Variants in SNAP47 observed in about 807,000 individuals in gnomAD.
SNAP47 encodes the protein synaptosomal-associated protein 47.
SNAP47 carries 20 observed loss-of-function variants against 31.4 expected under a neutral mutation model. That is an observed-to-expected ratio of 0.64 (90% CI 0.45 to 0.93). SNAP47 has a LOEUF of 0.93. SNAP47 is among the 40% of genes least tolerant of loss of function. The pLI is 0.00. For synonymous variants in SNAP47, 194 were observed against 213.4 expected (o/e 0.91, Z 0.79); for missense variants, 492 against 528.5 (o/e 0.93, Z 0.68).
chr1:227,732,284 G>A (rs145226245), upstream of SNAP47: 17 of 1,338,706 alleles, frequency 1.3e-5, no homozygotes, highest in Non-Finnish European at 1.5e-5. Flanking sequence ...CACAAGCCTC[G>A]ACAGGGGTGG....
upstream of SNAP47, chr1:227,732,525 C>A: frequency 6.2e-7 from 1 of 1,613,406 alleles, no homozygotes; most frequent in Non-Finnish European, 8.5e-7. Context: ...CTCTGTGATG[C>A]GCCCAACATC....
intron 4 of SNAP47, among the ~76,000 whole-genome samples, chr1:227,768,020 T>TA (rs1432433301): frequency 6.6e-6 from 1 of 152,270 alleles, no homozygotes; most frequent in African/African-American, 2.4e-5. Context: ...TCAGTCATCA[T>TA]ATCACTTCAT....
chr1:227,747,579 C>T (rs2236361), intron 1 of SNAP47, 113 bp from the exon 2 acceptor site: 651,187 of 1,083,568 alleles, frequency 0.6, 200,045 homozygotes, highest in African/African-American at 0.9. Flanking sequence ...GAGTCAGCCA[C>T]GTGCTGCAGC....
At chr1:227,748,257 C>A in intron 2 of SNAP47, 24 bp downstream of exon 2, 1 of 1,532,214 alleles carries the variant, frequency 6.5e-7, no homozygotes, top group South Asian at 1.3e-5. Context: ...GTACACTTTG[C>A]AAGGCACACA....
In SNAP47 at chr1:227,735,497, C is replaced by T. The variant is rs773629066; in HGVS notation, c.-48C>T. 5 of 1,408,102 alleles carry T rather than the reference C, an allele frequency of 3.6e-6. No homozygotes were observed. The highest frequency in any genetic ancestry group is 1.5e-5 in the African/African-American group (1 of 66,506). 87.2% of individuals were successfully genotyped at this position (1,408,102 alleles called of 1,614,324 possible). On this transcript the variant is annotated splice_region_variant and 5_prime_UTR_variant, in exon 1 of 5. Transcript: ENST00000617596. ...GCTCTGGGACTCGTCTGGCGTCCCT[C>T]AGGTGAGCGACGGTGTTGGTCTGTT... is the stretch of plus-strand genomic sequence containing the variant.
In SNAP47 at chr1:227,780,512, T is replaced by C; in HGVS notation, c.1114-15T>C. ...GAGATGGCAGCCTCTGCTGTGATCT[T>C]GTGCTTCTCCCCAGATCCTGAGGAG... On this transcript the variant is annotated splice_polypyrimidine_tract_variant and intron_variant, in intron 4 of 4. Coordinates refer to ENST00000617596, the MANE Select transcript of SNAP47 (RefSeq NM_053052.4). The C allele has an allele frequency of 1.2e-6, 2 of 1,613,654 alleles. No homozygotes were observed. Among genetic ancestry groups the C allele is most frequent in the Non-Finnish European group, 1.7e-6 (2 of 1,180,000 alleles).
chr1:227,734,615 G>A, upstream of SNAP47: 2 of 1,608,690 alleles, frequency 1.2e-6, no homozygotes, highest in Non-Finnish European at 1.7e-6. Flanking sequence ...CAGCGCTAGG[G>A]AAGGCAGCGC....
intron 1 of SNAP47, among the ~76,000 whole-genome samples, chr1:227,739,705 A>G (rs900934024): frequency 1.3e-5 from 2 of 152,224 alleles, no homozygotes; most frequent in South Asian, 2.1e-4. Context: ...AAAGAGACCC[A>G]TTGTACAGAT....
At chr1:227,750,295 A>G (rs1662264069) in intron 2 of SNAP47, among the ~76,000 whole-genome samples, 1 of 152,220 alleles carries the variant, frequency 6.6e-6, no homozygotes, top group African/African-American at 2.4e-5. Flanking sequence ...GCCGAAGGCC[A>G]TGACTCTGTT....
intron 3 of SNAP47, among the ~76,000 whole-genome samples, chr1:227,761,298 CATA>C (rs541081031): frequency 2.6e-4 from 40 of 152,264 alleles, no homozygotes; most frequent in Admixed American, 1.6e-3. Flanking sequence ...AAGAAATACA[CATA>C]ATAATAGATT....
chr1:227,734,729 G>C (rs1660950917), upstream of SNAP47: 1 of 1,614,076 alleles, frequency 6.2e-7, no homozygotes, highest in Non-Finnish European at 8.5e-7. Flanking sequence ...TTTCCAGTAG[G>C]TGATGTAGTC....
chr1:227,736,763 CCTT>C (rs1371010562), intron 1 of SNAP47, among the ~76,000 whole-genome samples: 3 of 144,008 alleles, frequency 2.1e-5, no homozygotes, highest in South Asian at 2.3e-4. Flanking sequence ...CTCAAGCAAT[CCTT>C]CTGCCTTGGC....
intron 1 of SNAP47, chr1:227,747,170 A>T (rs923891762): frequency 6.5e-6 from 1 of 153,548 alleles, no homozygotes; most frequent in African/African-American, 2.4e-5. Context: ...TGTCTGCAGG[A>T]TTGTTTTCTC....
intron 2 of SNAP47, among the ~76,000 whole-genome samples, chr1:227,758,140 T>G (rs1662806554): frequency 6.6e-6 from 1 of 152,140 alleles, no homozygotes; most frequent in African/African-American, 2.4e-5. Flanking sequence ...GATGGCTGAA[T>G]TCTAACTGTG....
At position 227,759,184 on chromosome 1, in the gene SNAP47, G is replaced by T; in HGVS notation, c.687G>T (p.Arg229Ser). ...HRTESHVKPG[R>S]LTVLVSGLEI... is the part of the protein sequence containing the mutation. ...CAGAGTCTCACGTTAAACCAGGGAG[G>T]CTCACCGTCCTTGTGTCTGGGTTGG... The change falls in exon 3 of 5, where the codon AGG becomes AGT. Residue 229 changes from arginine (R) to serine (S), a missense_variant. Arg to Ser is a moderately radical substitution (Grantham distance 110). Coordinates refer to ENST00000617596, the MANE Select transcript of SNAP47 (RefSeq NM_053052.4). 6.2e-7 allele frequency: 1 copy of T among 1,614,170 alleles called. No homozygotes were observed. Among genetic ancestry groups the T allele is most frequent in the Non-Finnish European group, 8.5e-7 (1 of 1,180,040 alleles).
upstream of SNAP47, chr1:227,735,212 G>C (rs767467840): frequency 4.4e-6 from 7 of 1,588,102 alleles, no homozygotes; most frequent in African/African-American, 6.7e-5. Flanking sequence ...GCCGACGCCG[G>C]GGACATCGAC....
At chr1:227,758,467 G>A (rs775037603) in intron 2 of SNAP47, among the ~76,000 whole-genome samples, 1 of 152,228 alleles carries the variant, frequency 6.6e-6, no homozygotes, top group Non-Finnish European at 1.5e-5. Flanking sequence ...CAGGAATCTG[G>A]AGCATGCGGA....
intron 4 of SNAP47, among the ~76,000 whole-genome samples, chr1:227,769,121 G>C (rs1290000618): frequency 2.0e-5 from 3 of 152,196 alleles, no homozygotes; most frequent in Non-Finnish European, 2.9e-5. Context: ...CTGAGGGTGA[G>C]TGGGGCTCCC....
intron 1 of SNAP47, among the ~76,000 whole-genome samples, chr1:227,738,501 G>A (rs762384011): frequency 6.6e-6 from 1 of 152,030 alleles, no homozygotes; most frequent in Non-Finnish European, 1.5e-5. Flanking sequence ...CACATACACA[G>A]TCTCTTTCTC....
Sources: gnomAD v4.1 joint callset for allele counts (sites outside exome capture counted in the v4.1 genomes callset) on GRCh38, gnomAD v4.1.1 for gene constraint, MANE v1.5 for transcripts, NCBI Gene and HGNC (gene_info 2026-07-23, HGNC 2026-07-21) for gene names.